Variants in CHST8 observed in about 807,000 individuals in gnomAD.
The protein encoded by CHST8 is carbohydrate sulfotransferase 8, also known as GALNAC-4-ST1.
A neutral mutation model predicts 15.0 loss-of-function variants in CHST8; 10 were observed. The observed-to-expected ratio is 0.67, with a 90% confidence interval of 0.41 to 1.13. The LOEUF (loss-of-function observed/expected upper bound fraction) is 1.13. Ranked by LOEUF, CHST8 falls within the 50% of genes most tolerant of loss-of-function variation. The pLI is 0.00. For missense variants in CHST8, 634 were observed against 608.2 expected (o/e 1.04, Z -0.45); for synonymous variants, 259 against 256.6 (o/e 1.01, Z -0.09).
chr19:33,713,284 G>A (rs1299105790), intron 3 of CHST8, among the ~76,000 whole-genome samples: 2 of 152,168 alleles, frequency 1.3e-5, no homozygotes, highest in Non-Finnish European at 2.9e-5. Context: ...TTCAAGATCT[G>A]CGATCTCCTA....
At chr19:33,709,138 C>T (rs1973501253) in intron 3 of CHST8, among the ~76,000 whole-genome samples, 1 of 152,192 alleles carries the variant, frequency 6.6e-6, no homozygotes, top group South Asian at 2.1e-4. Flanking sequence ...AGATTTTCTA[C>T]ATACAGAATT....
intron 3 of CHST8, among the ~76,000 whole-genome samples, chr19:33,756,960 G>A (rs1003911179): frequency 6.6e-6 from 1 of 152,180 alleles, no homozygotes; most frequent in Non-Finnish European, 1.5e-5. Flanking sequence ...AGGCAGCCCC[G>A]TCTGGCATGG....
chr19:33,689,133 T>TGCCTCGCGC, intron 2 of CHST8, 43 bp from the exon 3 acceptor site: 1 of 1,141,888 alleles, frequency 8.8e-7, no homozygotes, highest in South Asian at 1.9e-5. Context: ...CCTGCCCGGG[T>TGCCTCGCGC]GCCTCGCGCC....
intron 3 of CHST8, among the ~76,000 whole-genome samples, chr19:33,756,500 C>T (rs749010252): frequency 3.3e-5 from 5 of 152,168 alleles, no homozygotes; most frequent in Non-Finnish European, 5.9e-5. Flanking sequence ...GGGTCTTCTC[C>T]CCCAAGGGCT....
intron 3 of CHST8, among the ~76,000 whole-genome samples, chr19:33,737,569 G>A (rs570934019): frequency 1.1e-4 from 17 of 152,294 alleles, no homozygotes; most frequent in African/African-American, 4.1e-4. Flanking sequence ...GAAGGGAATT[G>A]TCCCCACGGA....
At chr19:33,750,532 A>C (rs2376994) in intron 3 of CHST8, among the ~76,000 whole-genome samples, 31,517 of 149,584 alleles carry the variant, frequency 0.21, 3,999 homozygotes, top group Non-Finnish European at 0.28. Context: ...AAGCCTCGGG[A>C]TAAGCCATCC....
chr19:33,647,817 GC>G (rs748857295), intron 1 of CHST8, among the ~76,000 whole-genome samples: 7 of 151,966 alleles, frequency 4.6e-5, no homozygotes, highest in Non-Finnish European at 1.0e-4. Flanking sequence ...CTGCATTCCA[GC>G]CTGGGCAACA....
chr19:33,741,926 G>T (rs548193012), intron 3 of CHST8, among the ~76,000 whole-genome samples: 1 of 151,994 alleles, frequency 6.6e-6, no homozygotes, highest in Admixed American at 6.6e-5. Flanking sequence ...AGAAATGCTC[G>T]CCAGATGGGA....
At chr19:33,654,013 C>A (rs1161831395) in intron 1 of CHST8, among the ~76,000 whole-genome samples, 1 of 152,176 alleles carries the variant, frequency 6.6e-6, no homozygotes, top group African/African-American at 2.4e-5. Context: ...CCCTCTCATT[C>A]TATTCTCTTC....
At chr19:33,763,795 T>C (rs1352615534) in intron 3 of CHST8, among the ~76,000 whole-genome samples, 1 of 152,192 alleles carries the variant, frequency 6.6e-6, no homozygotes, top group Admixed American at 6.5e-5. Flanking sequence ...AGTGAGGCAG[T>C]CAGAGGCCCA....
At chr19:33,634,225 A>G (rs1972161849) in intron 1 of CHST8, among the ~76,000 whole-genome samples, 1 of 152,168 alleles carries the variant, frequency 6.6e-6, no homozygotes, top group African/African-American at 2.4e-5. Flanking sequence ...CGTCCTGTCC[A>G]ATACTTGGCA....
At chr19:33,741,722 TA>T (rs1284555246) in intron 3 of CHST8, among the ~76,000 whole-genome samples, 11 of 151,030 alleles carry the variant, frequency 7.3e-5, no homozygotes, top group South Asian at 2.1e-4. Flanking sequence ...TTTTTTTTTT[TA>T]AATTGTGCTA....
chr19:33,696,793 A>C (rs1973225498), intron 3 of CHST8, among the ~76,000 whole-genome samples: 1 of 151,944 alleles, frequency 6.6e-6, no homozygotes, highest in African/African-American at 2.4e-5. Flanking sequence ...ACCAGCAGTG[A>C]AAAGCGTTCC....
intron 1 of CHST8, among the ~76,000 whole-genome samples, chr19:33,641,134 T>C (rs1386560540): frequency 6.6e-6 from 1 of 152,150 alleles, no homozygotes; most frequent in Non-Finnish European, 1.5e-5. Flanking sequence ...GCTCCTGCCC[T>C]CCTCAGCTCC....
rs149038714 is a variant in CHST8 at position 33,667,348 on chromosome 19, A to G, written c.-163-419A>G. 5.8e-4 allele frequency among the ~76,000 whole-genome samples: 89 copies of G among 152,236 alleles called. No individual in the cohort carries two copies. The Middle Eastern group carries it at 0.014, about 23-fold the overall frequency. On this transcript the variant is annotated intron_variant, in intron 1 of 4. Transcript: ENST00000650847. ...TCCTCCCCTGCTTGAAGTCAGATCC[A>G]ATTCACACCCTCGCGCAGCCCGACG...
intron 1 of CHST8, among the ~76,000 whole-genome samples, chr19:33,643,688 C>A (rs1191810095): frequency 6.6e-6 from 1 of 152,192 alleles, no homozygotes; most frequent in Non-Finnish European, 1.5e-5. Flanking sequence ...CTAGTCCCAG[C>A]ACCCACGATT....
chr19:33,726,381 C>T (rs914480231), intron 3 of CHST8, among the ~76,000 whole-genome samples: 3 of 152,044 alleles, frequency 2.0e-5, no homozygotes, highest in African/African-American at 7.2e-5. Flanking sequence ...GGCAATATAG[C>T]GAGACCCCGT....
chr19:33,668,456 A>G, intron 2 of CHST8, among the ~76,000 whole-genome samples: 1 of 151,994 alleles, frequency 6.6e-6, no homozygotes, highest in East Asian at 1.9e-4. Context: ...GTGAGGGGGG[A>G]AAGATAGCCT....
intron 2 of CHST8, chr19:33,684,394 C>T (rs1163616503): frequency 6.6e-6 from 1 of 152,302 alleles, no homozygotes; most frequent in African/African-American, 2.4e-5. Flanking sequence ...TTTCAGGACC[C>T]AGGCCAGCGC....
Sources: allele counts gnomAD v4.1 joint callset (sites outside exome capture counted in the v4.1 genomes callset), GRCh38; gene constraint gnomAD v4.1.1; transcripts MANE v1.5; gene names NCBI Gene and HGNC (gene_info 2026-07-23, HGNC 2026-07-21).